The following SLC22A23 variants were observed in gnomAD, a reference collection of about 807,000 sequenced individuals.
The protein encoded by SLC22A23 is solute carrier family 22 member 23, also known as ion transporter protein.
A neutral mutation model predicts 61.0 loss-of-function variants in SLC22A23; 26 were observed. The ratio of observed to expected loss-of-function variants is 0.43; its 90% CI spans 0.31 to 0.59. The LOEUF is 0.59. SLC22A23 is among the 20% of genes least tolerant of loss of function. The pLI, the probability that SLC22A23 is intolerant of heterozygous loss-of-function variation, is 0.11. For synonymous variants in SLC22A23, 430 were observed against 413.9 expected (o/e 1.04, Z -0.47); for missense variants, 796 against 934.7 (o/e 0.85, Z 1.94).
intron 4 of SLC22A23, among the ~76,000 whole-genome samples, chr6:3,298,529 A>AG (rs1761315216): frequency 1.3e-5 from 2 of 152,012 alleles, no homozygotes; most frequent in African/African-American, 4.8e-5. Flanking sequence ...GAGGCTGGGA[A>AG]GGGTGGGGGG....
intron 3 of SLC22A23, among the ~76,000 whole-genome samples, chr6:3,389,980 C>T (rs1767563275): frequency 6.6e-6 from 1 of 152,186 alleles, no homozygotes. Context: ...CTCAGCCAGT[C>T]AAAGGATGGG....
chr6:3,280,829 A>C (rs923495066), intron 9 of SLC22A23, among the ~76,000 whole-genome samples: 1 of 151,838 alleles, frequency 6.6e-6, no homozygotes, highest in East Asian at 1.9e-4. Context: ...AGTTGAACAG[A>C]CTCTGATACT....
rs916752326 is a variant in SLC22A23 at position 3,308,123 on chromosome 6, C to T, written c.1083-9905G>A. Reference sequence around the variant, plus strand: ...GATGGTGGAGATGGCTGCACAACATCGCGTTGTGGATGTGGTCACTGAGTT... The same window carrying T: ...GATGGTGGAGATGGCTGCACAACATTGCGTTGTGGATGTGGTCACTGAGTT... On this transcript the variant is annotated intron_variant, in intron 4 of 9. Transcript: ENST00000406686. The surrounding 1 kb of genome is among the most constrained non-coding windows in gnomAD (Gnocchi z 5.1). Among the ~76,000 whole-genome samples, 6 of 152,128 alleles carry T rather than the reference C, an allele frequency of 3.9e-5. No individual in the cohort carries two copies. The highest frequency in any genetic ancestry group is 2.0e-4 in the Admixed American group (3 of 15,274).
rs535619145 is a variant in SLC22A23 at position 3,391,058 on chromosome 6, C to A, written c.913+19130G>T. 7.9e-5 allele frequency among the ~76,000 whole-genome samples: 12 copies of A among 152,276 alleles called. No homozygotes were observed. The South Asian group carries it at 2.3e-3, about 29-fold the overall frequency. On this transcript the variant is annotated intron_variant, in intron 3 of 9. Coordinates refer to ENST00000406686, the MANE Select transcript of SLC22A23 (RefSeq NM_015482.2). ...AAGAAGATACAAGATCAGCCCTGTC[C>A]CTTCTCTCACGGAGCTACAATGAAA...
chr6:3,348,365 A>C (rs1764567338), intron 3 of SLC22A23, among the ~76,000 whole-genome samples: 1 of 152,044 alleles, frequency 6.6e-6, no homozygotes, highest in African/African-American at 2.4e-5. Context: ...TTTTTCTACA[A>C]GCTTCTGTTT....
intron 1 of SLC22A23, among the ~76,000 whole-genome samples, chr6:3,440,108 G>A (rs1771493375): frequency 1.3e-5 from 2 of 152,194 alleles, no homozygotes; most frequent in East Asian, 3.9e-4. Context: ...TTAGGGAAAA[G>A]GCACAGATAA....
chr6:3,288,725 C>T (rs935015444), intron 6 of SLC22A23, among the ~76,000 whole-genome samples: 4 of 152,232 alleles, frequency 2.6e-5, no homozygotes, highest in African/African-American at 7.2e-5. Flanking sequence ...CTAACAGTGC[C>T]GCCAGCTCAC....
chr6:3,345,363 C>CTTTTT (rs1163840651), intron 3 of SLC22A23, among the ~76,000 whole-genome samples: 12 of 124,772 alleles, frequency 9.6e-5, no homozygotes, highest in South Asian at 2.6e-4. Context: ...TATCTCTTTT[C>CTTTTT]TTTTTTTTTT....
At chr6:3,436,776 TAAACATCTG>T (rs1326267340) in intron 1 of SLC22A23, among the ~76,000 whole-genome samples, 1 of 152,200 alleles carries the variant, frequency 6.6e-6, no homozygotes, top group Non-Finnish European at 1.5e-5. Context: ...ATCAGCTCAA[TAAACATCTG>T]AATGTTAACA....
chr6:3,292,625 T>C (rs1760708516), intron 5 of SLC22A23, among the ~76,000 whole-genome samples: 1 of 152,244 alleles, frequency 6.6e-6, no homozygotes, highest in African/African-American at 2.4e-5. Context: ...GCAGCCCCTG[T>C]GCCTCCACAT....
chr6:3,323,563 G>A (rs1219553288), intron 4 of SLC22A23: 24 of 535,566 alleles, frequency 4.5e-5, no homozygotes, highest in South Asian at 2.1e-5. Context: ...TAGCAAGAAG[G>A]GGTGAGCCAG....
At chr6:3,345,157 A>G (rs934767026) in intron 3 of SLC22A23, among the ~76,000 whole-genome samples, 17 of 152,168 alleles carry the variant, frequency 1.1e-4, no homozygotes, top group Non-Finnish European at 1.5e-5. Flanking sequence ...TCCCAAATTC[A>G]GTAGACTCCT....
chr6:3,449,029 A>G (rs1772048930), intron 1 of SLC22A23, among the ~76,000 whole-genome samples: 1 of 152,246 alleles, frequency 6.6e-6, no homozygotes, highest in African/African-American at 2.4e-5. Context: ...ACAGCTGGCT[A>G]GCCTCTAATC....
In SLC22A23 at chr6:3,272,889, C is replaced by T. The variant is rs905024390; in HGVS notation, c.*166G>A. Reference sequence around the variant, plus strand: ...TTTCCAAAGAGTTTGTCTCCTCCGACCCGCGCTCCTTGGACTTTTGGAAAG... The same window carrying T: ...TTTCCAAAGAGTTTGTCTCCTCCGATCCGCGCTCCTTGGACTTTTGGAAAG... On this transcript the variant is annotated 3_prime_UTR_variant, in exon 10 of 10. Transcript: ENST00000406686. 1 of 602,330 alleles carries T rather than the reference C, an allele frequency of 1.7e-6. No homozygotes were observed. The highest frequency in any genetic ancestry group is 1.9e-5 in the African/African-American group (1 of 53,716). The allele number at this position is 602,330 out of a possible 1,614,324, so 37.3% of individuals were successfully genotyped here. A position where few individuals can be genotyped will look rare whatever the true frequency, so the allele number is the denominator to read the frequency against.
At chr6:3,363,000 G>A (rs1765578819) in intron 3 of SLC22A23, among the ~76,000 whole-genome samples, 1 of 152,166 alleles carries the variant, frequency 6.6e-6, no homozygotes, top group East Asian at 1.9e-4. Context: ...AAGGAAGAGA[G>A]TTTTGATCTG....
In SLC22A23 at chr6:3,309,118, G is replaced by A. The variant is rs1452181749; in HGVS notation, c.1083-10900C>T. On this transcript the variant is annotated intron_variant, in intron 4 of 9. Transcript: ENST00000406686. This position sits in a 1 kb window ranked among gnomAD's most constrained non-coding sequence, Gnocchi z 4.7. ...AGTTTGAGACCAGCCTGTCCAACATGGTGAAACCCCCATCTCTACTAAAAA... is the reference window on the plus strand; with the variant it reads ...AGTTTGAGACCAGCCTGTCCAACATAGTGAAACCCCCATCTCTACTAAAAA... Among the ~76,000 whole-genome samples, 3 of 150,722 alleles carry A rather than the reference G, an allele frequency of 2.0e-5. No homozygotes were observed. The highest frequency in any genetic ancestry group is 4.9e-5 in the African/African-American group (2 of 40,908).
intron 4 of SLC22A23, among the ~76,000 whole-genome samples, chr6:3,306,785 C>G (rs900861244): frequency 1.3e-5 from 2 of 152,220 alleles, no homozygotes; most frequent in African/African-American, 4.8e-5. Context: ...CTGCTGGATA[C>G]AGAGTGGAGA....
At chr6:3,446,569 G>A (rs560512952) in intron 1 of SLC22A23, among the ~76,000 whole-genome samples, 1 of 152,168 alleles carries the variant, frequency 6.6e-6, no homozygotes, top group African/African-American at 2.4e-5. Flanking sequence ...GTTTTCTATC[G>A]ACAGCCCTGG....
chr6:3,405,445 C>A (rs930808349), intron 3 of SLC22A23, among the ~76,000 whole-genome samples: 2 of 151,984 alleles, frequency 1.3e-5, no homozygotes, highest in African/African-American at 2.4e-5. Flanking sequence ...GACAAAGAGA[C>A]GACCGAGCAC....
Sources: gnomAD v4.1 joint callset for allele counts (sites outside exome capture counted in the v4.1 genomes callset) on GRCh38, gnomAD v4.1.1 for gene constraint, Gnocchi (gnomAD v3.1) non-coding constraint, MANE v1.5 for transcripts, NCBI Gene and HGNC (gene_info 2026-07-23, HGNC 2026-07-21) for gene names.